Variants in UTRN observed in about 807,000 individuals in gnomAD.
UTRN encodes utrophin.
A neutral mutation model predicts 463.9 loss-of-function variants in UTRN; 283 were observed. That is an observed-to-expected ratio of 0.61 (90% CI 0.55 to 0.67). UTRN has a LOEUF of 0.67. Ranked by LOEUF, UTRN falls within the 30% of genes least tolerant of loss-of-function variation. The pLI, the probability that UTRN is intolerant of heterozygous loss-of-function variation, is 0.00. For synonymous variants in UTRN, 1,442 were observed against 1,431.5 expected, an observed-to-expected ratio of 1.01 and a Z score of -0.17; for missense variants, 3,922 against 4,084.3, an observed-to-expected ratio of 0.96 and a Z score of 1.08.
At chr6:144,322,147 G>A (rs1325005433) in intron 2 of UTRN, among the ~76,000 whole-genome samples, 2 of 152,260 alleles carry the variant, frequency 1.3e-5, no homozygotes, top group Middle Eastern at 3.4e-3. Context: ...ACCACAATAT[G>A]CCCAAAGTTA....
In UTRN at chr6:144,708,533, C is replaced by CAGTAA. The variant is rs749536932; in HGVS notation, c.7809+8291_7809+8292insGTAAA. 1.1e-4 allele frequency: 39 copies of CAGTAA among 366,818 alleles called. 1 individual carries two copies. The East Asian group carries it at 1.4e-3, about 13-fold the overall frequency. 22.7% of individuals were successfully genotyped at this position (366,818 alleles called of 1,614,324 possible). ...AGAGAGGTCCTGGTATAGAAAAAAA[C>CAGTAA]ACAGTCCCTGTTTACATGAAATTTA... On this transcript the variant is annotated intron_variant, in intron 53 of 74. Coordinates refer to ENST00000367545, the MANE Select transcript of UTRN (RefSeq NM_007124.3).
rs199820890 is a variant in UTRN, at chr6:144,514,740, A to G, written c.5164A>G (p.Ser1722Gly). Residue 1722 changes from serine (S) to glycine (G), a missense_variant, in exon 37 of 75, where the codon AGC becomes GGC. Coordinates refer to ENST00000367545, the MANE Select transcript of UTRN (RefSeq NM_007124.3). The part of the protein sequence containing the change: ...LILMNARGSS[S>G]RELVEPKLAE... ...TTTGATGAATGCCCGTGGAAGCTCA[A>G]GCAGGGAGCTTGTAGAACCAAAGTT... is the stretch of plus-strand genomic sequence containing the variant. 3.6e-5 allele frequency: 58 copies of G among 1,614,192 alleles called. No individual in the cohort carries two copies. The highest frequency in any genetic ancestry group is 4.7e-5 in the Non-Finnish European group (56 of 1,180,014).
At chr6:144,765,092 A>G (rs1347877513) in intron 58 of UTRN, among the ~76,000 whole-genome samples, 1 of 152,192 alleles carries the variant, frequency 6.6e-6, no homozygotes, top group African/African-American at 2.4e-5. Flanking sequence ...GCTCATGTAG[A>G]AATATTATCA....
At chr6:144,698,799 T>C (rs1050683769) in intron 52 of UTRN, among the ~76,000 whole-genome samples, 5 of 152,214 alleles carry the variant, frequency 3.3e-5, no homozygotes, top group Non-Finnish European at 7.3e-5. Context: ...CTTAACCATA[T>C]CAAAATGTAT....
chr6:144,699,807 C>A (rs1315385297), intron 52 of UTRN, among the ~76,000 whole-genome samples: 1 of 148,900 alleles, frequency 6.7e-6, no homozygotes, highest in African/African-American at 2.4e-5. Flanking sequence ...TTCAAAATAG[C>A]TGTTTCTTAC....
intron 2 of UTRN, among the ~76,000 whole-genome samples, chr6:144,332,897 A>G (rs977741506): frequency 3.3e-4 from 49 of 150,534 alleles, no homozygotes; most frequent in Non-Finnish European, 1.3e-4. Context: ...TCATGCTGAT[A>G]TTAACCTTTT....
intron 54 of UTRN, among the ~76,000 whole-genome samples, chr6:144,739,595 A>G (rs1368528957): frequency 7.2e-5 from 11 of 152,172 alleles, no homozygotes; most frequent in Admixed American, 7.2e-4. Context: ...AAGTGTAGGC[A>G]TGAAGGGGAA....
chr6:144,491,248 A>C (rs1793048487), intron 32 of UTRN, 146 bp downstream of exon 32: 1 of 766,600 alleles, frequency 1.3e-6, no homozygotes, highest in Non-Finnish European at 1.9e-6. Context: ...ACGTGTTAAA[A>C]AATAAGAAGT....
rs574070752 is a variant in UTRN at position 144,359,242 on chromosome 6, C to T, written c.80-43881C>T. On this transcript the variant is annotated intron_variant, in intron 2 of 74. Coordinates refer to ENST00000367545, the MANE Select transcript of UTRN (RefSeq NM_007124.3). ...CCTGTGCTTTGGGGATGCTGGACAG[C>T]ATACCTGGCCGCTTTTCCCCAGTGG... Among the ~76,000 whole-genome samples, 5 of 152,330 alleles carry T rather than the reference C, an allele frequency of 3.3e-5. No homozygotes were observed. In the East Asian group the frequency reaches 9.6e-4, roughly 29 times the overall value.
chr6:144,460,388 C>T (rs1161801736), intron 21 of UTRN, among the ~76,000 whole-genome samples: 1 of 152,202 alleles, frequency 6.6e-6, no homozygotes, highest in Non-Finnish European at 1.5e-5. Flanking sequence ...AGCCTAACTT[C>T]AGCAATTGTA....
intron 1 of UTRN, among the ~76,000 whole-genome samples, chr6:144,288,657 A>G (rs926165143): frequency 6.6e-6 from 1 of 152,164 alleles, no homozygotes; most frequent in Non-Finnish European, 1.5e-5. Context: ...AATTTTTAGC[A>G]GTAGTAGAGC....
At chr6:144,485,607 G>T (rs975149116) in intron 28 of UTRN, 88 bp downstream of exon 28, 2 of 1,544,870 alleles carry the variant, frequency 1.3e-6, no homozygotes, top group African/African-American at 2.8e-5. Flanking sequence ...CTTTACGCAG[G>T]CAAATGCATT....
chr6:144,412,712 A>G, intron 3 of UTRN, among the ~76,000 whole-genome samples: 1 of 144,582 alleles, frequency 6.9e-6, no homozygotes, highest in Non-Finnish European at 1.5e-5. Flanking sequence ...TATATACACT[A>G]TATATGTTTG....
intron 23 of UTRN, among the ~76,000 whole-genome samples, chr6:144,470,699 G>A (rs917258097): frequency 3.9e-5 from 6 of 152,050 alleles, no homozygotes; most frequent in East Asian, 2.0e-4. Context: ...AGGTTGTAGC[G>A]AGCCGAGATC....
At chr6:144,577,310 C>G in intron 51 of UTRN, 22 bp downstream of exon 51, 3 of 1,610,654 alleles carry the variant, frequency 1.9e-6, no homozygotes, top group Non-Finnish European at 2.5e-6. Flanking sequence ...GGAAACCACA[C>G]CAGTACCTGT....
intron 34 of UTRN, among the ~76,000 whole-genome samples, chr6:144,501,176 G>A (rs1354282226): frequency 1.3e-5 from 2 of 152,314 alleles, no homozygotes; most frequent in South Asian, 4.1e-4. Context: ...CAGTGTGAGT[G>A]TAAAGGAAGT....
At chr6:144,713,012 G>A (rs575481226) in intron 53 of UTRN, among the ~76,000 whole-genome samples, 1 of 152,260 alleles carries the variant, frequency 6.6e-6, no homozygotes, top group Admixed American at 6.5e-5. Context: ...ACCTAATCCA[G>A]TGCCACATTA....
intron 50 of UTRN, among the ~76,000 whole-genome samples, chr6:144,561,212 T>TAC (rs1799846704): frequency 3.6e-4 from 5 of 13,998 alleles, no homozygotes; most frequent in South Asian, 1.9e-3. Flanking sequence ...ACATTATATA[T>TAC]ATATATATAT....
rs993621651 is a variant in UTRN at position 144,543,341 on chromosome 6, T to G, written c.6595+471T>G. 7.2e-5 allele frequency among the ~76,000 whole-genome samples: 11 copies of G among 152,354 alleles called. No homozygotes were observed. In the South Asian group the frequency reaches 1.9e-3, roughly 26 times the overall value. Reference sequence around the variant, plus strand: ...GGATATTTAGAAGCATTCTCCAACCTAGGAGACAAATACTTCTCACTTGGA... The same window carrying G: ...GGATATTTAGAAGCATTCTCCAACCGAGGAGACAAATACTTCTCACTTGGA... On this transcript the variant is annotated intron_variant, in intron 46 of 74. Coordinates refer to ENST00000367545, the MANE Select transcript of UTRN (RefSeq NM_007124.3).
Sources: gnomAD v4.1 joint callset for allele counts (sites outside exome capture counted in the v4.1 genomes callset) on GRCh38, gnomAD v4.1.1 for gene constraint, MANE v1.5 for transcripts, NCBI Gene and HGNC (gene_info 2026-07-23, HGNC 2026-07-21) for gene names.